Variants in TNRC6B observed in about 807,000 individuals in gnomAD.
TNRC6B encodes trinucleotide repeat-containing gene 6B protein.
A neutral mutation model predicts 203.6 loss-of-function variants in TNRC6B; 52 were observed. The ratio of observed to expected loss-of-function variants is 0.26; its 90% CI spans 0.20 to 0.32. The LOEUF (loss-of-function observed/expected upper bound fraction) is 0.32, where lower values mean the gene tolerates loss of function less well. TNRC6B is among the 10% of genes least tolerant of loss of function. The pLI is 1.00. For missense variants in TNRC6B, 1,923 were observed against 2,286.2 expected, an observed-to-expected ratio of 0.84 and a Z score of 3.24; for synonymous variants, 838 against 845.7, an observed-to-expected ratio of 0.99 and a Z score of 0.16.
intron 5 of TNRC6B, 57 bp downstream of exon 5, chr22:40,267,093 G>A: frequency 7.0e-7 from 1 of 1,438,276 alleles, no homozygotes; most frequent in Non-Finnish European, 9.2e-7. Context: ...CTAGACCAAG[G>A]CATTTTTATT....
intron 1 of TNRC6B, among the ~76,000 whole-genome samples, chr22:40,238,447 C>G (rs1484922285): frequency 6.6e-6 from 1 of 152,204 alleles, no homozygotes; most frequent in African/African-American, 2.4e-5. Context: ...TTAAAAAATG[C>G]ATTCCCTGTA....
rs774862388 is a variant in TNRC6B, at chr22:40,266,339, C to T, written c.2109C>T (p.Asn703=). 19 of 1,606,904 alleles carry T rather than the reference C, an allele frequency of 1.2e-5. No homozygotes were observed. The highest frequency in any genetic ancestry group is 1.6e-5 in the Non-Finnish European group (19 of 1,176,480). Residue 703 remains asparagine (N), a synonymous_variant, in exon 5 of 23, where the codon AAC becomes AAT. Coordinates refer to ENST00000454349, the MANE Select transcript of TNRC6B (RefSeq NM_001162501.2). ...KNTGGWNDYK[N]NNSSNWGGGR... ...CAGGAGGCTGGAATGACTACAAGAACAACAACTCTTCCAACTGGGGAGGAG... is the reference window on the plus strand; with the variant it reads ...CAGGAGGCTGGAATGACTACAAGAATAACAACTCTTCCAACTGGGGAGGAG...
intron 1 of TNRC6B, among the ~76,000 whole-genome samples, chr22:40,114,776 A>G (rs899284508): frequency 2.6e-5 from 4 of 152,162 alleles, no homozygotes; most frequent in Non-Finnish European, 4.4e-5. Flanking sequence ...AGTGGTTCAC[A>G]GTTTTACTGC....
intron 1 of TNRC6B, among the ~76,000 whole-genome samples, chr22:40,101,143 C>T (rs1162126432): frequency 2.6e-5 from 4 of 152,234 alleles, no homozygotes; most frequent in Admixed American, 2.0e-4. Flanking sequence ...CAGGCATCTG[C>T]CACCATGCCC....
At chr22:40,315,129 G>A (rs1184580019) in intron 19 of TNRC6B, among the ~76,000 whole-genome samples, 154 bp from the exon 20 acceptor site, 1 of 152,136 alleles carries the variant, frequency 6.6e-6, no homozygotes, top group African/African-American at 2.4e-5. Flanking sequence ...TAAGAACAGT[G>A]TTATTTTGTA....
intron 12 of TNRC6B, among the ~76,000 whole-genome samples, chr22:40,286,913 C>T (rs1446596210): frequency 6.6e-6 from 1 of 152,196 alleles, no homozygotes; most frequent in African/African-American, 2.4e-5. Flanking sequence ...ATAAACCAAG[C>T]TTTGAGTCTG....
chr22:40,056,978 G>A (rs960534852), intron 1 of TNRC6B, among the ~76,000 whole-genome samples: 10 of 152,112 alleles, frequency 6.6e-5, no homozygotes, highest in Non-Finnish European at 1.5e-4. Context: ...GTTCCTTGTA[G>A]TATCTCAACA....
At chr22:40,239,363 C>G (rs768768634) in intron 1 of TNRC6B, among the ~76,000 whole-genome samples, 5 of 152,206 alleles carry the variant, frequency 3.3e-5, no homozygotes, top group Non-Finnish European at 7.3e-5. Flanking sequence ...CGCAGAAAGT[C>G]ACTTCAGGTG....
At chr22:40,120,842 C>A (rs372127076) in intron 2 of TNRC6B, among the ~76,000 whole-genome samples, 1 of 152,168 alleles carries the variant, frequency 6.6e-6, no homozygotes, top group East Asian at 1.9e-4. Context: ...AACTGCAGGA[C>A]TTAACAGGTT....
At chr22:40,218,481 A>C (rs935186520) in intron 1 of TNRC6B, among the ~76,000 whole-genome samples, 3 of 151,790 alleles carry the variant, frequency 2.0e-5, no homozygotes, top group Admixed American at 6.6e-5. Flanking sequence ...CATGCTCCCC[A>C]ATGCCTGGCT....
chr22:40,316,083 G>A, intron 21 of TNRC6B, 71 bp downstream of exon 21: 3 of 1,435,736 alleles, frequency 2.1e-6, no homozygotes, highest in Non-Finnish European at 2.9e-6. Flanking sequence ...GGTTGGGCAT[G>A]GTGGCTCATG....
At chr22:40,314,470 G>A (rs2071229804) in intron 19 of TNRC6B, among the ~76,000 whole-genome samples, 1 of 152,136 alleles carries the variant, frequency 6.6e-6, no homozygotes, top group Non-Finnish European at 1.5e-5. Context: ...CTCTGCCCCT[G>A]TGAACTGTTC....
rs370999187 is a variant in TNRC6B at position 40,265,745 on chromosome 22, G to A, written c.1515G>A (p.Gly505=). 8.1e-6 allele frequency: 13 copies of A among 1,613,960 alleles called. No homozygotes were observed. The highest frequency in any genetic ancestry group is 8.5e-6 in the Non-Finnish European group (10 of 1,179,884). The part of the protein sequence containing the change: ...KWGEGNKMTS[G]VSQGEWKQPT... The stretch of plus-strand genomic sequence containing the variant: ...GTGAAGGGAACAAAATGACATCTGG[G>A]GTCTCTCAGGGAGAATGGAAACAGC... Residue 505 remains glycine (G), a synonymous_variant, in exon 5 of 23, where the codon GGG becomes GGA. Coordinates refer to ENST00000454349, the MANE Select transcript of TNRC6B (RefSeq NM_001162501.2).
At chr22:40,089,844 G>A (rs567197929) in intron 1 of TNRC6B, among the ~76,000 whole-genome samples, 1 of 152,100 alleles carries the variant, frequency 6.6e-6, no homozygotes, top group African/African-American at 2.4e-5. Context: ...GCTCCACCTA[G>A]TCATCCCTCC....
chr22:40,317,712 G>C (rs1278693430), intron 21 of TNRC6B, among the ~76,000 whole-genome samples: 1 of 152,156 alleles, frequency 6.6e-6, no homozygotes, highest in African/African-American at 2.4e-5. Context: ...AGCTTCATTT[G>C]CACCAAGCCA....
At chr22:40,075,735 A>G (rs2068007522) in intron 1 of TNRC6B, among the ~76,000 whole-genome samples, 1 of 151,650 alleles carries the variant, frequency 6.6e-6, no homozygotes, top group Admixed American at 6.6e-5. Context: ...TTACTTTTTT[A>G]CTATTCCATC....
At chr22:40,267,268 C>G (rs1022065290) in intron 5 of TNRC6B, among the ~76,000 whole-genome samples, 3 of 152,140 alleles carry the variant, frequency 2.0e-5, no homozygotes, top group African/African-American at 7.2e-5. Flanking sequence ...CTGTGTTAGT[C>G]CCCAAAATTA....
At chr22:40,294,034 C>A (rs577340936) in intron 12 of TNRC6B, among the ~76,000 whole-genome samples, 2 of 127,716 alleles carry the variant, frequency 1.6e-5, no homozygotes, top group South Asian at 4.8e-4. Flanking sequence ...CCTAGGAGTT[C>A]GAGACAAGCC....
At chr22:40,073,105 C>G (rs1048697659) in intron 1 of TNRC6B, among the ~76,000 whole-genome samples, 2 of 150,870 alleles carry the variant, frequency 1.3e-5, no homozygotes, top group South Asian at 2.1e-4. Context: ...CTCCTATCCC[C>G]TACTGCCCCA....
Sources: gnomAD v4.1 joint callset for allele counts (sites outside exome capture counted in the v4.1 genomes callset) on GRCh38, gnomAD v4.1.1 for gene constraint, MANE v1.5 for transcripts, NCBI Gene and HGNC (gene_info 2026-07-23, HGNC 2026-07-21) for gene names.